CLTCL1: variants seen among roughly 807,000 people sequenced by gnomAD.
The protein encoded by CLTCL1 is clathrin heavy chain like 1.
A neutral mutation model predicts 190.0 loss-of-function variants in CLTCL1; 159 were observed. The observed-to-expected ratio is 0.84, with a 90% confidence interval of 0.74 to 0.95. The LOEUF is 0.95. Among genes scored for constraint, CLTCL1 ranks in the 40% least tolerant of loss-of-function variants. The pLI is 0.00. For synonymous variants in CLTCL1, 752 were observed against 769.6 expected (o/e 0.98, Z 0.38); for missense variants, 1,878 against 2,033.4 (o/e 0.92, Z 1.47).
At chr22:19,223,314 C>A (rs2085635286) in intron 14 of CLTCL1, among the ~76,000 whole-genome samples, 1 of 151,572 alleles carries the variant, frequency 6.6e-6, no homozygotes, top group South Asian at 2.1e-4. Flanking sequence ...CACATGACCT[C>A]ATTTCCTCCA....
At chr22:19,258,543 C>T in intron 2 of CLTCL1, 1 of 574,072 alleles carries the variant, frequency 1.7e-6, no homozygotes, top group Admixed American at 2.2e-5. Context: ...CAGGGTCCTA[C>T]TGTACCTGGA....
At chr22:19,193,812 G>T (rs1414199304) in intron 26 of CLTCL1, among the ~76,000 whole-genome samples, 2 of 152,136 alleles carry the variant, frequency 1.3e-5, no homozygotes. Flanking sequence ...TGGTGGGTTC[G>T]TGATCTGGCT....
chr22:19,268,111 C>G (rs1555978742), intron 2 of CLTCL1, among the ~76,000 whole-genome samples: 2 of 152,094 alleles, frequency 1.3e-5, no homozygotes, highest in African/African-American at 4.8e-5. Context: ...GGAGATGGAG[C>G]CTTTTGGGAG....
chr22:19,201,289 G>C, intron 23 of CLTCL1, 40 bp downstream of exon 23: 1 of 1,577,364 alleles, frequency 6.3e-7, no homozygotes, highest in Non-Finnish European at 8.6e-7. Flanking sequence ...GAGCGTGCCT[G>C]TCCAGCACAC....
intron 29 of CLTCL1, among the ~76,000 whole-genome samples, chr22:19,187,247 T>C (rs370455937): frequency 6.6e-6 from 1 of 152,106 alleles, no homozygotes; most frequent in East Asian, 1.9e-4. Context: ...TGCCAAGAAG[T>C]GAATCTTGCC....
At chr22:19,259,638 T>G (rs368754736) in intron 2 of CLTCL1, among the ~76,000 whole-genome samples, 1 of 152,208 alleles carries the variant, frequency 6.6e-6, no homozygotes, top group Admixed American at 6.5e-5. Flanking sequence ...ACATATAAGA[T>G]AGTGGACTTA....
Position 19,196,403 on chromosome 22 carries a change from C to T in CLTCL1, c.4054G>A (p.Ala1352Thr). The change falls in exon 26 of 33, where the codon GCA (alanine) becomes ACA (threonine). Residue 1352 changes from alanine (A) to threonine (T), a missense_variant. Transcript: ENST00000427926. ...RVNIPKVLRAAEQAHLWAELV... is the reference protein window; with the variant it reads ...RVNIPKVLRATEQAHLWAELV... ...TCAGCCCACAGGTGTGCCTGCTCTGCAGCCCTCAGCACCTGGACAAGGAGG... is the reference window on the plus strand; with the variant it reads ...TCAGCCCACAGGTGTGCCTGCTCTGTAGCCCTCAGCACCTGGACAAGGAGG... 1 of 1,614,046 alleles carries T rather than the reference C, an allele frequency of 6.2e-7. No individual in the cohort carries two copies. The highest frequency in any genetic ancestry group is 8.5e-7 in the Non-Finnish European group (1 of 1,179,886).
chr22:19,218,288 T>C (rs1424973468), intron 18 of CLTCL1, among the ~76,000 whole-genome samples: 1 of 152,202 alleles, frequency 6.6e-6, no homozygotes, highest in Non-Finnish European at 1.5e-5. Flanking sequence ...CCTGGAGAAA[T>C]GTCTGATGTC....
chr22:19,216,244 C>T lies in CLTCL1; in HGVS notation c.2932G>A (p.Ala978Thr). 2 of 1,613,854 alleles carry T rather than the reference C, an allele frequency of 1.2e-6. No individual in the cohort carries two copies. Among genetic ancestry groups the T allele is most frequent in the Non-Finnish European group, 1.7e-6 (2 of 1,179,836 alleles). Residue 978 changes from alanine (A) to threonine (T), a missense_variant, in exon 19 of 33, where the codon GCA becomes ACA. By Grantham distance (58) the Ala-to-Thr change is moderately conservative. Coordinates refer to ENST00000427926, the MANE Select transcript of CLTCL1 (RefSeq NM_007098.4). Reference sequence around the variant, plus strand: ...TCAGGATCCCGTGTTTCTGACAATGCTGTCTGTACCACCTGGTTTTAAAAA... The same window carrying T: ...TCAGGATCCCGTGTTTCTGACAATGTTGTCTGTACCACCTGGTTTTAAAAA... ...RQLIDQVVQT[A>T]LSETRDPEEI...
At chr22:19,196,202 C>T (rs2084697504) in intron 26 of CLTCL1, 64 bp downstream of exon 26, 1 of 1,549,724 alleles carries the variant, frequency 6.5e-7, no homozygotes, top group Non-Finnish European at 8.7e-7. Context: ...CTGCCCATTC[C>T]CCTGCACCCA....
chr22:19,222,863 G>A, intron 14 of CLTCL1, 54 bp from the exon 15 acceptor site: 1 of 1,559,738 alleles, frequency 6.4e-7, no homozygotes, highest in East Asian at 2.4e-5. Flanking sequence ...CAGACAGCCA[G>A]ACCTCGGACT....
In CLTCL1 at chr22:19,191,372, T is replaced by C. The variant is rs782255546; in HGVS notation, c.4255A>G (p.Ile1419Val). The C allele has an allele frequency of 6.2e-7, 1 of 1,614,044 alleles. No homozygotes were observed. The highest frequency in any genetic ancestry group is 8.5e-7 in the Non-Finnish European group (1 of 1,179,896). ...QFYLDYKPLL[I>V]NDLLLVLSPR... ...GAAAGCACCAGCAGCAGGTCATTGA[T>C]GAGCAGTGGTTTGTAATCCAAATAG... The change falls in exon 27 of 33, where the codon ATC (isoleucine) becomes GTC (valine). Residue 1419 changes from isoleucine (I) to valine (V), a missense_variant. Ile to Val is a conservative substitution (Grantham distance 29). Coordinates refer to ENST00000427926, the MANE Select transcript of CLTCL1 (RefSeq NM_007098.4).
Position 19,222,777 on chromosome 22 carries a change from G to A in CLTCL1, c.2325C>T (p.Ile775=), listed in dbSNP as rs782693065. 83 of 1,600,514 alleles carry A rather than the reference G, an allele frequency of 5.2e-5. No individual in the cohort carries two copies. In the East Asian group the frequency reaches 1.8e-3, roughly 36 times the overall value. The part of the protein sequence containing the change: ...EAKLTDQLPL[I]IVCDRFGFVH... Reference sequence around the variant, plus strand: ...CAAAGCCAAAACGATCACACACGATGATGAGGGGAAGCTGGTCTGTGAGCT... The same window carrying A: ...CAAAGCCAAAACGATCACACACGATAATGAGGGGAAGCTGGTCTGTGAGCT... Residue 775 remains isoleucine, a synonymous_variant, in exon 15 of 33, where the codon ATC becomes ATT. Transcript: ENST00000427926.
chr22:19,281,060 G>A (rs2087694303), intron 1 of CLTCL1, among the ~76,000 whole-genome samples: 1 of 151,812 alleles, frequency 6.6e-6, no homozygotes, highest in African/African-American at 2.4e-5. Flanking sequence ...GGAGGCCGAG[G>A]CGGGCAGATC....
Position 19,264,048 on chromosome 22 carries a change from G to A in CLTCL1, c.251-9821C>T, listed in dbSNP as rs190276879. ...AGTGGTTCACGCCTGTAATCCTAGC[G>A]CTTTGGGAAGCTGAGACGGGATGAT... is the stretch of plus-strand genomic sequence containing the variant. On this transcript the variant is annotated intron_variant, in intron 2 of 32. Coordinates refer to ENST00000427926, the MANE Select transcript of CLTCL1 (RefSeq NM_007098.4). Among the ~76,000 whole-genome samples the A allele has an allele frequency of 2.3e-4, 35 of 152,086 alleles. No individual in the cohort carries two copies. The East Asian group carries it at 3.3e-3, about 14-fold the overall frequency.
chr22:19,290,660 G>A (rs12166720), intron 1 of CLTCL1, among the ~76,000 whole-genome samples: 10,523 of 152,160 alleles, frequency 0.069, 1,227 homozygotes, highest in African/African-American at 0.24. Context: ...GGCTTTTCCC[G>A]TCTGCATCTA....
rs549111910 is a variant in CLTCL1, at chr22:19,276,738, C to T, written c.43-908G>A. On this transcript the variant is annotated intron_variant, in intron 1 of 32. Coordinates refer to ENST00000427926, the MANE Select transcript of CLTCL1 (RefSeq NM_007098.4). ...AGGCTGGAGTGCAGTGGTGCGATCT[C>T]GGCTCACTGCAAGCTCCGCCTCCCG... is the stretch of plus-strand genomic sequence containing the variant. Among the ~76,000 whole-genome samples, 187 of 152,234 alleles carry T rather than the reference C, an allele frequency of 1.2e-3. 1 individual carries two copies. The highest frequency in any genetic ancestry group is 6.8e-3 in the Middle Eastern group (2 of 294).
chr22:19,206,154 G>C (rs1452107151), intron 22 of CLTCL1, among the ~76,000 whole-genome samples: 1 of 152,128 alleles, frequency 6.6e-6, no homozygotes, highest in Non-Finnish European at 1.5e-5. Context: ...TTGAACTCCT[G>C]ACCTCAAGTG....
Position 19,269,321 on chromosome 22 carries a change from AC to A in CLTCL1, c.250+6301del, listed in dbSNP as rs570981708. 2.6e-5 allele frequency among the ~76,000 whole-genome samples: 4 copies of A among 152,050 alleles called. No homozygotes were observed. The South Asian group carries it at 8.3e-4, about 32-fold the overall frequency. On this transcript the variant is annotated intron_variant, in intron 2 of 32. Coordinates refer to ENST00000427926, the MANE Select transcript of CLTCL1 (RefSeq NM_007098.4). Reference sequence around the variant, plus strand: ...AGGCTGAGGCAGGAGAATCACTTGAACCTGGGCAGCAGAGGTTACAGTGAGC... The same window carrying A: ...AGGCTGAGGCAGGAGAATCACTTGAACTGGGCAGCAGAGGTTACAGTGAGC...
Sources: allele counts gnomAD v4.1 joint callset (sites outside exome capture counted in the v4.1 genomes callset), GRCh38; gene constraint gnomAD v4.1.1; transcripts MANE v1.5; gene names NCBI Gene and HGNC (gene_info 2026-07-23, HGNC 2026-07-21).